Variants in RALGPS1 observed in about 807,000 individuals in gnomAD.
RALGPS1 encodes ras-specific guanine nucleotide-releasing factor RalGPS1.
A neutral mutation model predicts 78.8 loss-of-function variants in RALGPS1; 19 were observed. The observed-to-expected ratio is 0.24, with a 90% CI of 0.17 to 0.35. The LOEUF is 0.35. RALGPS1 is among the 10% of genes least tolerant of loss of function. The probability of loss-of-function intolerance (pLI) is 1.00; values close to 1 mark genes in which losing one functional copy is unlikely to be tolerated. For missense variants in RALGPS1, 454 were observed against 688.3 expected (o/e 0.66, Z 3.81); for synonymous variants, 228 against 256.3 (o/e 0.89, Z 1.06).
At chr9:127,051,766 T>C (rs2048320772) in intron 6 of RALGPS1, among the ~76,000 whole-genome samples, 1 of 152,192 alleles carries the variant, frequency 6.6e-6, no homozygotes, top group Admixed American at 6.5e-5. Flanking sequence ...AGAGACACCA[T>C]GGTAGACAAA....
chr9:127,139,739 C>T (rs2057643662), intron 8 of RALGPS1, among the ~76,000 whole-genome samples: 1 of 152,256 alleles, frequency 6.6e-6, no homozygotes. Flanking sequence ...GGTAGAACAG[C>T]TGCTGAGAGG....
intron 5 of RALGPS1, among the ~76,000 whole-genome samples, chr9:127,041,582 C>T (rs889605674): frequency 1.1e-4 from 16 of 152,268 alleles, no homozygotes; most frequent in African/African-American, 3.9e-4. Flanking sequence ...TTATCCAGAC[C>T]ACTCTTGGAC....
chr9:127,073,466 C>G (rs58140834), intron 8 of RALGPS1, among the ~76,000 whole-genome samples: 2,435 of 142,958 alleles, frequency 0.017, 61 homozygotes, highest in African/African-American at 0.064. Context: ...GTGTGTGTGT[C>G]TGTGTGTGTG....
At chr9:126,931,186 A>G (rs1362064694) in intron 1 of RALGPS1, among the ~76,000 whole-genome samples, 2 of 152,234 alleles carry the variant, frequency 1.3e-5, no homozygotes, top group Non-Finnish European at 2.9e-5. Flanking sequence ...TCGGCACGAT[A>G]CCGCTTACAT....
intron 4 of RALGPS1, 47 bp from the exon 5 acceptor site, chr9:127,034,384 T>G: frequency 1.3e-6 from 2 of 1,546,510 alleles, no homozygotes; most frequent in Non-Finnish European, 1.8e-6. Context: ...TGGTGTATTT[T>G]GCATCCCAAC....
chr9:127,211,514 T>C lies in RALGPS1; in HGVS notation c.1248-617T>C, dbSNP rs889346317. Reference sequence around the variant, plus strand: ...TCTGGCTGAAGCAGCCAGTAGGGGGTGGTGCCATTCCTGAGGCACCGGCAG... The same window carrying C: ...TCTGGCTGAAGCAGCCAGTAGGGGGCGGTGCCATTCCTGAGGCACCGGCAG... On this transcript the variant is annotated intron_variant, in intron 14 of 18. Coordinates refer to ENST00000259351, the MANE Select transcript of RALGPS1 (RefSeq NM_014636.3). This position sits in a 1 kb window ranked among gnomAD's most constrained non-coding sequence, Gnocchi z 5.0. Among the ~76,000 whole-genome samples, 1 of 151,408 alleles carries C rather than the reference T, an allele frequency of 6.6e-6. No homozygotes were observed. Among genetic ancestry groups the C allele is most frequent in the African/African-American group, 2.4e-5 (1 of 41,082 alleles).
At chr9:127,159,368 ATTCTGTCCAGACAGCAGGAC>A (rs1264456803) in intron 8 of RALGPS1, among the ~76,000 whole-genome samples, 5 of 152,120 alleles carry the variant, frequency 3.3e-5, no homozygotes, top group African/African-American at 1.2e-4. Context: ...GGACTTCAGG[ATTCTGTCCAGACAGCAGGAC>A]TTTGCCCACG....
At chr9:127,042,337 C>T (rs1326930453) in intron 5 of RALGPS1, among the ~76,000 whole-genome samples, 1 of 152,092 alleles carries the variant, frequency 6.6e-6, no homozygotes, top group African/African-American at 2.4e-5. Context: ...GGGTTATGCT[C>T]CGGGTGTGTT....
At chr9:127,151,056 C>T (rs1346504470) in intron 8 of RALGPS1, among the ~76,000 whole-genome samples, 2 of 152,142 alleles carry the variant, frequency 1.3e-5, no homozygotes, top group Admixed American at 6.5e-5. Context: ...TGGTGGCACA[C>T]GCCTGTAGTC....
intron 11 of RALGPS1, among the ~76,000 whole-genome samples, chr9:127,191,227 T>C (rs1055083590): frequency 6.6e-6 from 1 of 152,226 alleles, no homozygotes; most frequent in Non-Finnish European, 1.5e-5. Context: ...GTTGTTTTGG[T>C]ACAGACATTT....
chr9:127,212,550 C>A lies in RALGPS1; in HGVS notation c.1354-77C>A. 1 of 1,045,952 alleles carries A rather than the reference C, an allele frequency of 9.6e-7. No individual in the cohort carries two copies. Among genetic ancestry groups the A allele is most frequent in the Non-Finnish European group, 1.4e-6 (1 of 709,412 alleles). 64.8% of individuals were successfully genotyped at this position (1,045,952 alleles called of 1,614,324 possible). A position where few individuals can be genotyped will look rare whatever the true frequency, so the allele number is the denominator to read the frequency against. ...GCCTGCACTGGCATTGATGGGATGGCTGGGTCTGTAATCGGCCAGGGATCC... is the reference window on the plus strand; with the variant it reads ...GCCTGCACTGGCATTGATGGGATGGATGGGTCTGTAATCGGCCAGGGATCC... On this transcript the variant is annotated intron_variant, in intron 15 of 18. Coordinates refer to ENST00000259351, the MANE Select transcript of RALGPS1 (RefSeq NM_014636.3). The surrounding 1 kb of genome is among the most constrained non-coding windows in gnomAD (Gnocchi z 6.0).
intron 1 of RALGPS1, among the ~76,000 whole-genome samples, chr9:126,930,561 G>T (rs1429927680): frequency 6.6e-6 from 1 of 152,134 alleles, no homozygotes; most frequent in East Asian, 1.9e-4. Flanking sequence ...TCATGCTTCA[G>T]CCTCCTGTGT....
At chr9:126,998,107 T>G (rs1162014517) in intron 4 of RALGPS1, among the ~76,000 whole-genome samples, 1 of 152,200 alleles carries the variant, frequency 6.6e-6, no homozygotes, top group Admixed American at 6.5e-5. Flanking sequence ...GACATAGGCA[T>G]GGGCAAGGAC....
At chr9:127,193,706 G>A (rs530394987) in intron 11 of RALGPS1, among the ~76,000 whole-genome samples, 37 of 152,300 alleles carry the variant, frequency 2.4e-4, no homozygotes, top group African/African-American at 8.2e-4. Context: ...TGTGTTGGAG[G>A]ACCTGGAGGT....
intron 3 of RALGPS1, among the ~76,000 whole-genome samples, chr9:126,975,882 C>T (rs538061862): frequency 6.6e-6 from 1 of 152,262 alleles, no homozygotes; most frequent in South Asian, 2.1e-4. Flanking sequence ...GTCCTCTCTC[C>T]CACCTCTCAG....
At chr9:126,960,067 T>G (rs2038727605) in intron 1 of RALGPS1, among the ~76,000 whole-genome samples, 1 of 151,580 alleles carries the variant, frequency 6.6e-6, no homozygotes, top group African/African-American at 2.4e-5. Context: ...GAGAGAAGAG[T>G]CATTGTCAGC....
chr9:127,190,892 A>G (rs1014238086), intron 11 of RALGPS1, among the ~76,000 whole-genome samples: 10 of 152,230 alleles, frequency 6.6e-5, no homozygotes, highest in Non-Finnish European at 1.3e-4. Context: ...CTGCCAATGC[A>G]ATACATTGTC....
At chr9:127,108,792 C>T in intron 8 of RALGPS1, 1 of 1,507,024 alleles carries the variant, frequency 6.6e-7, no homozygotes, top group Non-Finnish European at 8.9e-7. Context: ...TGAAAGTAAA[C>T]AGAGGGGAGA....
chr9:126,983,234 G>T (rs570434428), intron 4 of RALGPS1, among the ~76,000 whole-genome samples: 1 of 152,120 alleles, frequency 6.6e-6, no homozygotes, highest in East Asian at 1.9e-4. Flanking sequence ...ACTGCGCCCA[G>T]CCCTATTCTT....
Sources: gnomAD v4.1 joint callset for allele counts (sites outside exome capture counted in the v4.1 genomes callset) on GRCh38, gnomAD v4.1.1 for gene constraint, Gnocchi (gnomAD v3.1) non-coding constraint, MANE v1.5 for transcripts, NCBI Gene and HGNC (gene_info 2026-07-23, HGNC 2026-07-21) for gene names.